CAMK1D: variants seen among roughly 807,000 people sequenced by gnomAD.
The protein encoded by CAMK1D is calcium/calmodulin dependent protein kinase ID.
CAMK1D carries 9 observed loss-of-function variants against 47.7 expected under a neutral mutation model. The observed-to-expected ratio is 0.19, with a 90% confidence interval of 0.11 to 0.33. The LOEUF (loss-of-function observed/expected upper bound fraction) is 0.33. Ranked by LOEUF, CAMK1D falls within the 10% of genes least tolerant of loss-of-function variation. The pLI is 1.00. For synonymous variants in CAMK1D, 184 were observed against 184.9 expected, an observed-to-expected ratio of 0.99 and a Z score of 0.04; for missense variants, 291 against 488.7, an observed-to-expected ratio of 0.60 and a Z score of 3.81.
At chr10:12,445,459 A>G (rs934914531) in intron 1 of CAMK1D, among the ~76,000 whole-genome samples, 2 of 152,176 alleles carry the variant, frequency 1.3e-5, no homozygotes, top group Non-Finnish European at 2.9e-5. Context: ...AAGACAGGCC[A>G]TTGTCCTGTT....
At chr10:12,488,148 TG>T (rs1403745755) in intron 1 of CAMK1D, among the ~76,000 whole-genome samples, 1 of 152,186 alleles carries the variant, frequency 6.6e-6, no homozygotes, top group Non-Finnish European at 1.5e-5. Flanking sequence ...GTTGGAAGTC[TG>T]GGTCAAGTTT....
chr10:12,744,740 T>C (rs1265586892), intron 3 of CAMK1D, among the ~76,000 whole-genome samples: 1 of 136,564 alleles, frequency 7.3e-6, no homozygotes, highest in Non-Finnish European at 1.6e-5. Context: ...AAATAAAAAT[T>C]AAAAAAAAAA....
intron 3 of CAMK1D, among the ~76,000 whole-genome samples, chr10:12,734,363 T>A (rs12784559): frequency 9.8e-5 from 1 of 10,176 alleles, no homozygotes; most frequent in Non-Finnish European, 2.0e-4. Flanking sequence ...TATATATATA[T>A]ATATATATAT....
intron 1 of CAMK1D, among the ~76,000 whole-genome samples, chr10:12,384,944 A>G (rs1838446014): frequency 6.6e-6 from 1 of 152,230 alleles, no homozygotes; most frequent in Non-Finnish European, 1.5e-5. Flanking sequence ...TTGATAACCC[A>G]ATTAAAAACG....
At chr10:12,701,355 A>G (rs1372831076) in intron 3 of CAMK1D, among the ~76,000 whole-genome samples, 1 of 152,240 alleles carries the variant, frequency 6.6e-6, no homozygotes, top group Admixed American at 6.5e-5. Context: ...AAAGCACACC[A>G]AAATAACCTG....
At chr10:12,626,761 C>T (rs1839229741) in intron 2 of CAMK1D, among the ~76,000 whole-genome samples, 2 of 152,096 alleles carry the variant, frequency 1.3e-5, no homozygotes, top group South Asian at 4.2e-4. Flanking sequence ...AAGTGTGAGC[C>T]ACTGCACCCA....
chr10:12,820,103 G>A lies in CAMK1D; in HGVS notation c.833+3775G>A, dbSNP rs575911392. 7.9e-5 allele frequency among the ~76,000 whole-genome samples: 12 copies of A among 152,308 alleles called. No homozygotes were observed. In the South Asian group the frequency reaches 1.5e-3, roughly 18 times the overall value. Reference sequence around the variant, plus strand: ...TCGCCAGGCTAGAGTGCGGTGGCGCGATCTCGGCTCACTGCAACCTCCGCT... The same window carrying A: ...TCGCCAGGCTAGAGTGCGGTGGCGCAATCTCGGCTCACTGCAACCTCCGCT... On this transcript the variant is annotated intron_variant, in intron 8 of 10. Transcript: ENST00000619168.
chr10:12,646,796 C>T (rs561817797), intron 2 of CAMK1D, among the ~76,000 whole-genome samples: 2 of 152,036 alleles, frequency 1.3e-5, no homozygotes, highest in Non-Finnish European at 2.9e-5. Context: ...AACTCTTTAT[C>T]GTTCAGTTGT....
At chr10:12,474,742 T>G (rs575736564) in intron 1 of CAMK1D, among the ~76,000 whole-genome samples, 8 of 152,180 alleles carry the variant, frequency 5.3e-5, no homozygotes, top group Non-Finnish European at 8.8e-5. Context: ...AGTCTCTCCC[T>G]CCTCCCACCC....
At chr10:12,695,020 C>CTCGA (rs1833210206) in intron 3 of CAMK1D, among the ~76,000 whole-genome samples, 1 of 113,092 alleles carries the variant, frequency 8.8e-6, no homozygotes, top group Non-Finnish European at 1.8e-5. Context: ...AAATAAATCT[C>CTCGA]TCGATAGATA....
At chr10:12,540,084 T>G (rs2132241146) in intron 1 of CAMK1D, among the ~76,000 whole-genome samples, 1 of 150,992 alleles carries the variant, frequency 6.6e-6, no homozygotes, top group Non-Finnish European at 1.5e-5. Context: ...TAGCTAATTT[T>G]TTCTTTTTTC....
At chr10:12,626,835 A>G (rs1176550896) in intron 2 of CAMK1D, among the ~76,000 whole-genome samples, 1 of 152,128 alleles carries the variant, frequency 6.6e-6, no homozygotes, top group Admixed American at 6.5e-5. Context: ...CTGTTTTAGA[A>G]CATCATCTAC....
intron 1 of CAMK1D, among the ~76,000 whole-genome samples, chr10:12,548,447 C>CTTTTTTTTTTTTTTTTTTTT (rs35061502): frequency 1.2e-5 from 1 of 81,188 alleles, no homozygotes; most frequent in Non-Finnish European, 2.3e-5. Context: ...CCATTTTAAG[C>CTTTTTTTTTTTTTTTTTTTT]TTTTTTTTTT....
At chr10:12,406,278 C>T (rs992006588) in intron 1 of CAMK1D, among the ~76,000 whole-genome samples, 1 of 152,170 alleles carries the variant, frequency 6.6e-6, no homozygotes, top group Non-Finnish European at 1.5e-5. Flanking sequence ...ACAGCTCCCT[C>T]CCTGGTTCAG....
At chr10:12,570,914 G>T (rs1201603279) in intron 2 of CAMK1D, among the ~76,000 whole-genome samples, 1 of 152,106 alleles carries the variant, frequency 6.6e-6, no homozygotes, top group Non-Finnish European at 1.5e-5. Flanking sequence ...TTGCGTCACT[G>T]CACTCTAGCC....
At chr10:12,659,657 C>T (rs112163744) in intron 2 of CAMK1D, among the ~76,000 whole-genome samples, 86 of 151,402 alleles carry the variant, frequency 5.7e-4, no homozygotes, top group Non-Finnish European at 9.0e-4. Context: ...TTTTCAGTTT[C>T]GAAAAAACAT....
At chr10:12,423,513 TAAAGA>T (rs1293488698) in intron 1 of CAMK1D, among the ~76,000 whole-genome samples, 2 of 150,654 alleles carry the variant, frequency 1.3e-5, no homozygotes, top group African/African-American at 4.9e-5. Flanking sequence ...AGTCTGTTTC[TAAAGA>T]AAAAAAAGAA....
At chr10:12,616,150 G>A (rs929416401) in intron 2 of CAMK1D, among the ~76,000 whole-genome samples, 1 of 152,024 alleles carries the variant, frequency 6.6e-6, no homozygotes, top group Non-Finnish European at 1.5e-5. Context: ...ATAAATGTAC[G>A]TGTGTGAATG....
At chr10:12,529,619 A>G (rs902124110) in intron 1 of CAMK1D, among the ~76,000 whole-genome samples, 3 of 152,112 alleles carry the variant, frequency 2.0e-5, no homozygotes, top group African/African-American at 7.2e-5. Flanking sequence ...TGGGTCTGTG[A>G]GTCTGTTTTC....
Sources: allele counts gnomAD v4.1 joint callset (sites outside exome capture counted in the v4.1 genomes callset), GRCh38; gene constraint gnomAD v4.1.1; transcripts MANE v1.5; gene names NCBI Gene and HGNC (gene_info 2026-07-23, HGNC 2026-07-21).